Variants in MAP3K13 observed in about 807,000 individuals in gnomAD.
MAP3K13 encodes the protein leucine zipper-bearing kinase.
In MAP3K13, 52 loss-of-function variants were observed where a neutral mutation model predicts 104.0. That is an observed-to-expected ratio of 0.50 (90% confidence interval 0.40 to 0.63). The LOEUF is 0.63. Ranked by LOEUF, MAP3K13 falls within the 20% of genes least tolerant of loss-of-function variation. The probability of loss-of-function intolerance (pLI) is 0.00; values close to 1 mark genes in which losing one functional copy is unlikely to be tolerated. For synonymous variants in MAP3K13, 394 were observed against 442.2 expected (o/e 0.89, Z 1.37); for missense variants, 914 against 1,218.5 (o/e 0.75, Z 3.72).
At chr3:185,480,190 T>C in intron 12 of MAP3K13, 42 bp from the exon 13 acceptor site, 1 of 1,579,768 alleles carries the variant, frequency 6.3e-7, no homozygotes, top group Admixed American at 1.7e-5. Flanking sequence ...AGAAAAGCAG[T>C]TGTTCCTCTG....
Position 185,428,820 on chromosome 3 carries a change from T to C in MAP3K13, c.239T>C (p.Phe80Ser). ...TSVSEDSRDQ[F>S]ENSVLQLREH... is the part of the protein sequence containing the mutation. ...GTAAGTGAGGATTCCAGGGACCAGTTTGAGAACAGCGTTCTTCAGCTAAGG... is the reference window on the plus strand; with the variant it reads ...GTAAGTGAGGATTCCAGGGACCAGTCTGAGAACAGCGTTCTTCAGCTAAGG... Residue 80 changes from phenylalanine to serine, a missense_variant, in exon 2 of 14, where the codon TTT becomes TCT. This residue lies in a region of MAP3K13 where 156 missense variants were observed against 159.8 expected (regional missense o/e 0.98). Transcript: ENST00000265026. The C allele has an allele frequency of 6.2e-7, 1 of 1,614,090 alleles. No homozygotes were observed. Among genetic ancestry groups the C allele is most frequent in the Non-Finnish European group, 8.5e-7 (1 of 1,180,020 alleles).
At chr3:185,480,779 G>A (rs1348206947) in intron 13 of MAP3K13, among the ~76,000 whole-genome samples, 2 of 152,172 alleles carry the variant, frequency 1.3e-5, no homozygotes, top group Non-Finnish European at 1.5e-5. Context: ...CACAATCATG[G>A]CAGAAGGTGA....
chr3:185,329,224 C>G, intron 2 of MAP3K13: 2 of 702,988 alleles, frequency 2.8e-6, no homozygotes, highest in Non-Finnish European at 5.2e-6. Flanking sequence ...ATGTTGAGTG[C>G]AAGTGTTTAC....
chr3:185,328,485 G>C (rs1401715738), intron 2 of MAP3K13: 1 of 152,182 alleles, frequency 6.6e-6, no homozygotes, highest in African/African-American at 2.4e-5. Context: ...CTTGACCTCA[G>C]GTGATCCGCC....
Position 185,482,417 on chromosome 3 carries a change from A to G in MAP3K13, c.2862A>G (p.Thr954=). ...CAGATGGGGAGTGTTCTGATGCCAC[A>G]GTTAGGACCAATAAACACTACAGCT... ...DSSDGECSDA[T]VRTNKHYSSA... is the part of the protein sequence containing the mutation. The change falls in exon 14 of 14, where the codon ACA becomes ACG. Residue 954 remains threonine, a synonymous_variant. Transcript: ENST00000265026. The surrounding 1 kb of genome is among the most constrained non-coding windows in gnomAD (Gnocchi z 4.5). The G allele has an allele frequency of 6.2e-7, 1 of 1,614,136 alleles. No homozygotes were observed. Among genetic ancestry groups the G allele is most frequent in the South Asian group, 1.1e-5 (1 of 91,088 alleles).
At chr3:185,460,355 C>T (rs1435194402) in intron 7 of MAP3K13, among the ~76,000 whole-genome samples, 3 of 152,164 alleles carry the variant, frequency 2.0e-5, no homozygotes, top group Non-Finnish European at 1.5e-5. Context: ...TGATTAGCCT[C>T]TTATCAATAC....
At chr3:185,379,919 C>T (rs1724621531) in intron 1 of MAP3K13, among the ~76,000 whole-genome samples, 1 of 152,082 alleles carries the variant, frequency 6.6e-6, no homozygotes, top group Admixed American at 6.5e-5. Context: ...GGTGCAGTGG[C>T]TCACGCCTGT....
chr3:185,356,548 A>G (rs1382744949), intron 2 of MAP3K13, among the ~76,000 whole-genome samples: 4 of 152,142 alleles, frequency 2.6e-5, no homozygotes, highest in Non-Finnish European at 2.9e-5. Context: ...TGCCCGATAT[A>G]TGGATGGAGA....
chr3:185,454,429 T>A (rs796588087), intron 7 of MAP3K13, among the ~76,000 whole-genome samples: 1 of 14,136 alleles, frequency 7.1e-5, no homozygotes, highest in African/African-American at 1.2e-4. Context: ...GAGATATATA[T>A]GATATATATG....
chr3:185,400,201 T>C (rs1301527309), intron 1 of MAP3K13, among the ~76,000 whole-genome samples: 1 of 152,218 alleles, frequency 6.6e-6, no homozygotes, highest in Non-Finnish European at 1.5e-5. Flanking sequence ...GCCCTGCTGA[T>C]GTTTGTGCGT....
Position 185,487,791 on chromosome 3 carries a change from G to A in MAP3K13, c.*5335G>A, listed in dbSNP as rs1326185212. 2 of 152,114 alleles carry A rather than the reference G, an allele frequency of 1.3e-5. No individual in the cohort carries two copies. The highest frequency in any genetic ancestry group is 2.9e-5 in the Non-Finnish European group (2 of 68,032). 9.4% of individuals were successfully genotyped at this position (152,114 alleles called of 1,614,324 possible). On this transcript the variant is annotated 3_prime_UTR_variant, in exon 14 of 14. Transcript: ENST00000265026. ...AAGACCAAGACCAACATTATGTATT[G>A]AGCATCGTATCTTTCCTACTGAGCC...
intron 3 of MAP3K13, among the ~76,000 whole-genome samples, chr3:185,440,051 G>A (rs1205111463): frequency 6.6e-6 from 1 of 152,164 alleles, no homozygotes; most frequent in East Asian, 1.9e-4. Flanking sequence ...TGATTTCTGT[G>A]CTTACAGCTT....
intron 1 of MAP3K13, among the ~76,000 whole-genome samples, chr3:185,416,073 A>G (rs569957966): frequency 1.3e-5 from 2 of 152,162 alleles, no homozygotes; most frequent in East Asian, 3.9e-4. Flanking sequence ...TTTGTCTCCT[A>G]TTTTCCATCT....
At chr3:185,312,799 A>C (rs1414111807) in intron 2 of MAP3K13, among the ~76,000 whole-genome samples, 1 of 152,228 alleles carries the variant, frequency 6.6e-6, no homozygotes, top group Non-Finnish European at 1.5e-5. Context: ...ATAAAGCAGC[A>C]TGATTATTAG....
intron 7 of MAP3K13, among the ~76,000 whole-genome samples, chr3:185,455,245 T>TGAGATATATGAGATATATATGA (rs1159166449): frequency 1.5e-4 from 2 of 13,310 alleles, no homozygotes; most frequent in African/African-American, 3.1e-4. Context: ...GATATATATA[T>TGAGATATATGAGATATATATGA]GATATATATG....
At chr3:185,345,228 T>TAC (rs35053555) in intron 2 of MAP3K13, among the ~76,000 whole-genome samples, 24,172 of 151,862 alleles carry the variant, frequency 0.16, 2,569 homozygotes, top group African/African-American at 0.3. Context: ...CAAAAAAGTA[T>TAC]ACACACACAC....
At chr3:185,329,163 A>T in intron 2 of MAP3K13, 1 of 701,348 alleles carries the variant, frequency 1.4e-6, no homozygotes, top group Non-Finnish European at 2.6e-6. Context: ...TGTATCAGCA[A>T]GTGTGCTGCT....
At chr3:185,291,476 T>G in intron 2 of MAP3K13, 1 of 851,476 alleles carries the variant, frequency 1.2e-6, no homozygotes, top group East Asian at 3.0e-5. Flanking sequence ...TCTTTGTTTT[T>G]GATTTTCTCC....
At chr3:185,283,536 T>G (rs1720387524) in intron 1 of MAP3K13, among the ~76,000 whole-genome samples, 1 of 152,318 alleles carries the variant, frequency 6.6e-6, no homozygotes, top group African/African-American at 2.4e-5. Flanking sequence ...CGGCAGAACC[T>G]CTCCCAAATT....
Sources: allele counts gnomAD v4.1 joint callset (sites outside exome capture counted in the v4.1 genomes callset), GRCh38; gene constraint gnomAD v4.1.1; regional missense constraint gnomAD v4.1.1; non-coding constraint Gnocchi (gnomAD v3.1); transcripts MANE v1.5; gene names NCBI Gene and HGNC (gene_info 2026-07-23, HGNC 2026-07-21).